The following ABCA5 variants were observed in gnomAD, a reference collection of about 807,000 sequenced individuals.
ABCA5 encodes ATP binding cassette subfamily A member 5.
Under a neutral mutation model 206.0 loss-of-function variants are expected in ABCA5, and 163 were observed. The ratio of observed to expected loss-of-function variants is 0.79; its 90% CI spans 0.70 to 0.90. The LOEUF is 0.90. Among genes scored for constraint, ABCA5 ranks in the 40% least tolerant of loss-of-function variants. The pLI is 0.00. For synonymous variants in ABCA5, 609 were observed against 613.8 expected, an observed-to-expected ratio of 0.99 and a Z score of 0.11; for missense variants, 1,859 against 1,912.9, an observed-to-expected ratio of 0.97 and a Z score of 0.53.
intron 26 of ABCA5, 52 bp downstream of exon 26, chr17:69,261,073 G>T: frequency 1.4e-6 from 2 of 1,433,092 alleles, no homozygotes. Context: ...CCCCAAATTA[G>T]ACCATATTTA....
At chr17:69,324,141 T>G (rs962594882) in intron 1 of ABCA5, among the ~76,000 whole-genome samples, 1 of 152,154 alleles carries the variant, frequency 6.6e-6, no homozygotes, top group African/African-American at 2.4e-5. Flanking sequence ...GTGAGAAAAG[T>G]GGCATATTCA....
At chr17:69,273,917 C>A (rs761658957) in intron 20 of ABCA5, 42 bp downstream of exon 20, 1 of 1,556,814 alleles carries the variant, frequency 6.4e-7, no homozygotes, top group Non-Finnish European at 8.7e-7. Context: ...CAACCCCATG[C>A]TCCATGCCAA....
chr17:69,277,594 T>A, intron 19 of ABCA5, 47 bp downstream of exon 19: 1 of 1,456,172 alleles, frequency 6.9e-7, no homozygotes. Context: ...CCAATGTGTA[T>A]CCTTAAAAAG....
chr17:69,301,401 T>C, intron 8 of ABCA5, 115 bp from the exon 9 acceptor site: 1 of 686,580 alleles, frequency 1.5e-6, no homozygotes. Flanking sequence ...CTGGGCCTTT[T>C]AATAGATTAA....
At chr17:69,249,398 T>C (rs1470870571) in intron 37 of ABCA5, 1 of 152,852 alleles carries the variant, frequency 6.5e-6, no homozygotes, top group Non-Finnish European at 1.5e-5. Flanking sequence ...TCTATAAGCT[T>C]CCTTAAAATT....
chr17:69,302,163 C>T lies in ABCA5; in HGVS notation c.1119+555G>A, dbSNP rs374290781. 8.5e-5 allele frequency among the ~76,000 whole-genome samples: 13 copies of T among 152,168 alleles called. No individual in the cohort carries two copies. The East Asian group carries it at 1.9e-3, about 23-fold the overall frequency. On this transcript the variant is annotated intron_variant, in intron 8 of 38. Transcript: ENST00000392676. ...GCCAAATTCATGTTCCACTACAAAG[C>T]CATTTCTTATAAGACTTCTTCCATT...
At chr17:69,257,353 C>CAAAAAAAAAA (rs542087331) in intron 28 of ABCA5, among the ~76,000 whole-genome samples, 2 of 54,920 alleles carry the variant, frequency 3.6e-5, no homozygotes. Context: ...GATTCCATCT[C>CAAAAAAAAAA]AAAAAAAAAA....
At position 69,297,374 on chromosome 17, in the gene ABCA5, T is replaced by C; in HGVS notation, c.1268-15A>G. The C allele has an allele frequency of 2.5e-6, 4 of 1,576,438 alleles. No individual in the cohort carries two copies. The highest frequency in any genetic ancestry group is 2.6e-6 in the Non-Finnish European group (3 of 1,168,542). On this transcript the variant is annotated splice_polypyrimidine_tract_variant and intron_variant, in intron 9 of 38. Coordinates refer to ENST00000392676, the MANE Select transcript of ABCA5 (RefSeq NM_172232.4). ...GCCAAATTCCCCTGAAAAATAAACA[T>C]TAAAAAACTGAGTTACCATAATTAG... is the stretch of plus-strand genomic sequence containing the variant.
intron 10 of ABCA5, among the ~76,000 whole-genome samples, chr17:69,296,799 T>G (rs1333976102): frequency 6.6e-6 from 1 of 152,274 alleles, no homozygotes; most frequent in South Asian, 2.1e-4. Flanking sequence ...ACCCTGTCTC[T>G]ACTAAAAATA....
In ABCA5 at chr17:69,301,126, A is replaced by C; in HGVS notation, c.1267+13T>G. ...AAAATCTTTAAAGTAAAATTCAAAA[A>C]CCATCTGCATACCTGGAATGACTTG... On this transcript the variant is annotated intron_variant, in intron 9 of 38. Coordinates refer to ENST00000392676, the MANE Select transcript of ABCA5 (RefSeq NM_172232.4). The C allele has an allele frequency of 6.7e-7, 1 of 1,489,920 alleles. No individual in the cohort carries two copies. Among genetic ancestry groups the C allele is most frequent in the Non-Finnish European group, 8.9e-7 (1 of 1,126,520 alleles). The allele number at this position is 1,489,920 out of a possible 1,614,324, so 92.3% of individuals were successfully genotyped here.
intron 11 of ABCA5, among the ~76,000 whole-genome samples, chr17:69,291,985 T>C (rs1168350683): frequency 6.6e-6 from 1 of 152,028 alleles, no homozygotes; most frequent in Admixed American, 6.6e-5. Flanking sequence ...TGGTGGCACC[T>C]GTAGTCCCAG....
rs754681126 is a variant in ABCA5 at position 69,308,366 on chromosome 17, C to G, written c.472G>C (p.Gly158Arg). 6.2e-7 allele frequency: 1 copy of G among 1,608,252 alleles called. No homozygotes were observed. The highest frequency in any genetic ancestry group is 1.1e-5 in the South Asian group (1 of 90,718). ...GCAGCCTCACATGATTTTGAACAGCCAGCTATGGGGGGAAGAATATGAGAT... is the reference window on the plus strand; with the variant it reads ...GCAGCCTCACATGATTTTGAACAGCGAGCTATGGGGGGAAGAATATGAGAT... The part of the protein sequence containing the change: ...VSSIYMDSRA[G>R]CSKSCEAAQY... The change falls in exon 5 of 39, where the codon GGC becomes CGC. Residue 158 changes from glycine (G) to arginine (R), a missense_variant and splice_region_variant. By Grantham distance (125) the Gly-to-Arg change is moderately radical. Transcript: ENST00000392676.
chr17:69,250,821 C>A (rs1004296905), intron 35 of ABCA5, 200 bp from the exon 36 acceptor site: 3 of 328,962 alleles, frequency 9.1e-6, no homozygotes, highest in East Asian at 1.1e-4. Flanking sequence ...TGGTAAATTC[C>A]TCACAACTGA....
At chr17:69,308,227 ATATT>A in intron 5 of ABCA5, 49 bp downstream of exon 5, 2 of 1,192,404 alleles carry the variant, frequency 1.7e-6, no homozygotes, top group Non-Finnish European at 1.2e-6. Context: ...GAATAAGGAA[ATATT>A]TATTTTAAAA....
chr17:69,306,848 A>C lies in ABCA5; in HGVS notation c.665T>G (p.Leu222Ter). 6.2e-7 allele frequency: 1 copy of C among 1,605,118 alleles called. No homozygotes were observed. Among genetic ancestry groups the C allele is most frequent in the Non-Finnish European group, 8.5e-7 (1 of 1,175,172 alleles). ...EIDTFPRGVI[L>*]IYLVIAFSPF... The stretch of plus-strand genomic sequence containing the variant: ...TGAAAATGCTATAACTAGGTATATT[A>C]AAATTACTCCTCGGGGAAAGGTATC... Residue 222 changes from leucine to a stop codon, truncating the protein, a stop_gained, in exon 6 of 39, where the codon TTA becomes TGA. Coordinates refer to ENST00000392676, the MANE Select transcript of ABCA5 (RefSeq NM_172232.4). LOFTEE classifies it high-confidence loss of function.
Position 69,256,114 on chromosome 17 carries a change from T to A in ABCA5, c.3858+43A>T. The stretch of plus-strand genomic sequence containing the variant: ...TTAATTTCTATATACCGGGAATTGA[T>A]CATTTCATATTTACTATGACTTAGC... On this transcript the variant is annotated intron_variant, in intron 29 of 38. Coordinates refer to ENST00000392676, the MANE Select transcript of ABCA5 (RefSeq NM_172232.4). The A allele has an allele frequency of 3.3e-6, 5 of 1,509,442 alleles. No individual in the cohort carries two copies. The South Asian group carries it at 4.2e-5, about 13-fold the overall frequency. 93.5% of individuals were successfully genotyped at this position (1,509,442 alleles called of 1,614,324 possible). A position where few individuals can be genotyped will look rare whatever the true frequency, so the allele number is the denominator to read the frequency against.
Position 69,285,898 on chromosome 17 carries a change from C to A in ABCA5, c.2272G>T (p.Gly758Cys). Residue 758 changes from glycine to cysteine, a missense_variant and splice_region_variant, in exon 17 of 39, where the codon GGT becomes TGT. Gly to Cys is a radical substitution (Grantham distance 159). Transcript: ENST00000392676. ...LPFKDMDKFSGLFSALDSHSN... is the reference protein window; with the variant it reads ...LPFKDMDKFSCLFSALDSHSN... ...CCAAGAGACTTAAAGTAAGTAATACCTGAAAATTTGTCCATGTCCTTGAAA... is the reference window on the plus strand; with the variant it reads ...CCAAGAGACTTAAAGTAAGTAATACATGAAAATTTGTCCATGTCCTTGAAA... 1 of 1,609,744 alleles carries A rather than the reference C, an allele frequency of 6.2e-7. No homozygotes were observed. Among genetic ancestry groups the A allele is most frequent in the Non-Finnish European group, 8.5e-7 (1 of 1,178,318 alleles).
chr17:69,314,768 T>C (rs1184702243), intron 1 of ABCA5: 5 of 189,566 alleles, frequency 2.6e-5, no homozygotes, highest in East Asian at 1.3e-4. Flanking sequence ...GAAGTCTTAA[T>C]GCTCAGGGAG....
In ABCA5 at chr17:69,271,207, G is replaced by T; in HGVS notation, c.2847C>A (p.Ser949=). 6.2e-7 allele frequency: 1 copy of T among 1,613,274 alleles called. No homozygotes were observed. Among genetic ancestry groups the T allele is most frequent in the Non-Finnish European group, 8.5e-7 (1 of 1,179,546 alleles). ...TTAAAGCCGCACTATGGGGAGCCAC[G>T]GATACATAGTCACTGTCATTAATCA... is the stretch of plus-strand genomic sequence containing the variant. ...VTMINDSDYV[S]VAPHSAALNV... The change falls in exon 21 of 39, where the codon TCC becomes TCA. Residue 949 remains serine (S), a synonymous_variant. Coordinates refer to ENST00000392676, the MANE Select transcript of ABCA5 (RefSeq NM_172232.4).
Sources: allele counts gnomAD v4.1 joint callset (sites outside exome capture counted in the v4.1 genomes callset), GRCh38; gene constraint gnomAD v4.1.1; transcripts MANE v1.5; gene names NCBI Gene and HGNC (gene_info 2026-07-23, HGNC 2026-07-21).